Variants in PAXIP1 observed in about 807,000 individuals in gnomAD.
PAXIP1 encodes PAX-interacting protein 1.
PAXIP1 carries 19 observed loss-of-function variants against 140.6 expected under a neutral mutation model. That is an observed-to-expected ratio of 0.14 (90% confidence interval 0.09 to 0.20). PAXIP1 has a LOEUF of 0.20. Among genes scored for constraint, PAXIP1 ranks in the 10% least tolerant of loss-of-function variants. The pLI, the probability that PAXIP1 is intolerant of heterozygous loss-of-function variation, is 1.00. For missense variants in PAXIP1, 920 were observed against 1,208.6 expected, an observed-to-expected ratio of 0.76 and a Z score of 3.54; for synonymous variants, 442 against 444.6, an observed-to-expected ratio of 0.99 and a Z score of 0.07.
intron 2 of PAXIP1, among the ~76,000 whole-genome samples, chr7:154,996,856 T>C (rs1460744027): frequency 1.3e-5 from 2 of 152,166 alleles, no homozygotes; most frequent in Admixed American, 1.3e-4. Flanking sequence ...TGGTTTGGGG[T>C]CAGGCAGGTT....
intron 6 of PAXIP1, among the ~76,000 whole-genome samples, chr7:154,969,511 G>A (rs1411486127): frequency 1.3e-5 from 2 of 152,234 alleles, no homozygotes; most frequent in Non-Finnish European, 1.5e-5. Context: ...ACTGCCCATC[G>A]CCTGCATCAG....
intron 4 of PAXIP1, among the ~76,000 whole-genome samples, chr7:154,990,610 TTTA>T (rs1308919958): frequency 2.0e-5 from 3 of 152,232 alleles, no homozygotes; most frequent in African/African-American, 7.2e-5. Flanking sequence ...GTAATTCCTC[TTTA>T]TAGATTCTAA....
chr7:155,002,738 G>A, intron 1 of PAXIP1, 111 bp downstream of exon 1: 2 of 532,260 alleles, frequency 3.8e-6, no homozygotes, highest in Non-Finnish European at 5.3e-6. Flanking sequence ...CGGCGGACCC[G>A]ACGCTCTGCG....
intron 3 of PAXIP1, among the ~76,000 whole-genome samples, chr7:154,993,076 T>C (rs1243989433): frequency 6.6e-6 from 1 of 152,200 alleles, no homozygotes; most frequent in African/African-American, 2.4e-5. Flanking sequence ...AACAGTCCCA[T>C]GAAGAATTAT....
intron 2 of PAXIP1, among the ~76,000 whole-genome samples, chr7:154,997,127 C>T (rs1810669850): frequency 1.3e-5 from 2 of 152,168 alleles, no homozygotes; most frequent in South Asian, 4.1e-4. Context: ...CAGCTCAGGA[C>T]CTCATCCAAG....
intron 2 of PAXIP1, among the ~76,000 whole-genome samples, chr7:154,995,021 T>A (rs930538725): frequency 6.6e-6 from 1 of 152,176 alleles, no homozygotes; most frequent in South Asian, 2.1e-4. Flanking sequence ...TCAGAACACC[T>A]TCATGTAGAC....
rs1433576315 is a variant in PAXIP1, at chr7:154,956,473, GT to G, written c.2549+750del. 2 of 152,172 alleles carry G rather than the reference GT, an allele frequency of 1.3e-5. No homozygotes were observed. The highest frequency in any genetic ancestry group is 4.8e-5 in the African/African-American group (2 of 41,438). The allele number at this position is 152,172 out of a possible 1,614,324, so 9.4% of individuals were successfully genotyped here. On this transcript the variant is annotated intron_variant, in intron 14 of 20. Transcript: ENST00000404141. The surrounding 1 kb of genome is among the most constrained non-coding windows in gnomAD (Gnocchi z 4.2). ...CACCATGTACAGTCTGGAAAGAAGAGTTTTCTAGAATCAAGGAAGAAAATAA... is the reference window on the plus strand; with the variant it reads ...CACCATGTACAGTCTGGAAAGAAGAGTTTCTAGAATCAAGGAAGAAAATAA...
chr7:154,957,267 G>T lies in PAXIP1; in HGVS notation c.2506C>A (p.Gln836Lys). 6.2e-7 allele frequency: 1 copy of T among 1,606,444 alleles called. No homozygotes were observed. Residue 836 changes from glutamine to lysine, a missense_variant, in exon 14 of 21, where the codon CAG becomes AAG. By Grantham distance (53) the Gln-to-Lys change is moderately conservative. Around this residue, in one of 5 missense-constraint regions of PAXIP1, gnomAD observed 303 missense variants for 517.9 expected, o/e 0.59. Transcript: ENST00000404141. The part of the protein sequence containing the change: ...MSIRLPPKLK[Q>K]NEVANVQPSS... The stretch of plus-strand genomic sequence containing the variant: ...GGCTGGACATTAGCTACTTCATTCT[G>T]TTTCAGTTTGGGAGGTAGTCTTATA...
chr7:155,001,395 G>C (rs1415990777), intron 1 of PAXIP1: 1 of 151,844 alleles, frequency 6.6e-6, no homozygotes, highest in African/African-American at 2.4e-5. Context: ...AAAGAGGGGC[G>C]GGGGAATCAT....
chr7:154,944,586 T>G (rs1234560053), intron 20 of PAXIP1: 1 of 155,250 alleles, frequency 6.4e-6, no homozygotes, highest in Non-Finnish European at 1.4e-5. Context: ...TGGGCAAAAT[T>G]CATCAAGCTA....
At chr7:154,971,554 T>C (rs1809330663) in intron 6 of PAXIP1, among the ~76,000 whole-genome samples, 1 of 152,232 alleles carries the variant, frequency 6.6e-6, no homozygotes, top group Non-Finnish European at 1.5e-5. Context: ...CCATCTGATC[T>C]GCCTCTGGCT....
chr7:154,963,991 C>T lies in PAXIP1; in HGVS notation c.1894-225G>A. The T allele has an allele frequency of 4.0e-6, 2 of 495,648 alleles. No homozygotes were observed. The highest frequency in any genetic ancestry group is 3.7e-6 in the Non-Finnish European group (1 of 271,880). The allele number at this position is 495,648 out of a possible 1,614,324, so 30.7% of individuals were successfully genotyped here. A position where few individuals can be genotyped will look rare whatever the true frequency, so the allele number is the denominator to read the frequency against. Reference sequence around the variant, plus strand: ...AAATTTAATCTGAATTCCCAGGATACAAGAGAAGAACAATGGAATGCACTC... The same window carrying T: ...AAATTTAATCTGAATTCCCAGGATATAAGAGAAGAACAATGGAATGCACTC... On this transcript the variant is annotated intron_variant, in intron 8 of 20. Coordinates refer to ENST00000404141, the MANE Select transcript of PAXIP1 (RefSeq NM_007349.4). The surrounding 1 kb of genome is among the most constrained non-coding windows in gnomAD (Gnocchi z 4.1).
chr7:154,978,800 C>G (rs977412512), intron 5 of PAXIP1, among the ~76,000 whole-genome samples: 6 of 151,594 alleles, frequency 4.0e-5, no homozygotes, highest in African/African-American at 7.3e-5. Flanking sequence ...TAACAAATAC[C>G]AAAAAACAAA....
At chr7:154,970,997 T>C (rs753266340) in intron 6 of PAXIP1, among the ~76,000 whole-genome samples, 1 of 152,226 alleles carries the variant, frequency 6.6e-6, no homozygotes, top group Non-Finnish European at 1.5e-5. Flanking sequence ...CCCGCCTCTC[T>C]GTACCTGCCA....
chr7:154,971,382 G>A (rs1046931677), intron 6 of PAXIP1, among the ~76,000 whole-genome samples: 1 of 152,356 alleles, frequency 6.6e-6, no homozygotes, highest in Admixed American at 6.5e-5. Context: ...TGGAGATTCA[G>A]GACAAGAGTC....
chr7:154,993,621 T>C, intron 3 of PAXIP1, 105 bp downstream of exon 3: 2 of 829,570 alleles, frequency 2.4e-6, no homozygotes. Context: ...CAAAACAATC[T>C]GTCCTAACGA....
At chr7:154,993,961 A>G (rs1810463451) in intron 2 of PAXIP1, among the ~76,000 whole-genome samples, 192 bp from the exon 3 acceptor site, 1 of 152,204 alleles carries the variant, frequency 6.6e-6, no homozygotes, top group Admixed American at 6.5e-5. Flanking sequence ...GAAAAATCCA[A>G]TTACAGAATG....
At chr7:154,992,889 C>T (rs1810412859) in intron 3 of PAXIP1, among the ~76,000 whole-genome samples, 1 of 152,194 alleles carries the variant, frequency 6.6e-6, no homozygotes, top group Non-Finnish European at 1.5e-5. Flanking sequence ...GATAAGTTTC[C>T]TTCCATCTGC....
Position 154,981,589 on chromosome 7 carries a change from G to A in PAXIP1, c.438+1630C>T, listed in dbSNP as rs992582570. On this transcript the variant is annotated intron_variant, in intron 5 of 20. Coordinates refer to ENST00000404141, the MANE Select transcript of PAXIP1 (RefSeq NM_007349.4). ...ATGCATAATACATTATATATATCACGTTTAGTATCAACTTTTAAAATATAT... is the reference window on the plus strand; with the variant it reads ...ATGCATAATACATTATATATATCACATTTAGTATCAACTTTTAAAATATAT... Among the ~76,000 whole-genome samples, 21 of 151,962 alleles carry A rather than the reference G, an allele frequency of 1.4e-4. 1 individual carries two copies. The highest frequency in any genetic ancestry group is 1.0e-4 in the Non-Finnish European group (7 of 67,996).
Sources: allele counts gnomAD v4.1 joint callset (sites outside exome capture counted in the v4.1 genomes callset), GRCh38; gene constraint gnomAD v4.1.1; regional missense constraint gnomAD v4.1.1; non-coding constraint Gnocchi (gnomAD v3.1); transcripts MANE v1.5; gene names NCBI Gene and HGNC (gene_info 2026-07-23, HGNC 2026-07-21).